The following SLC35F3 variants were observed in gnomAD, a reference collection of about 807,000 sequenced individuals.
SLC35F3 encodes the protein solute carrier family 35 member F3, also known as putative thiamine transporter SLC35F3.
In SLC35F3, 25 loss-of-function variants were observed where a neutral mutation model predicts 49.9. The observed-to-expected ratio is 0.50, with a 90% CI of 0.37 to 0.70. The LOEUF (loss-of-function observed/expected upper bound fraction) is 0.70, where lower values mean the gene tolerates loss of function less well. Ranked by LOEUF, SLC35F3 falls within the 30% of genes least tolerant of loss-of-function variation. The pLI, the probability that SLC35F3 is intolerant of heterozygous loss-of-function variation, is 0.00. For synonymous variants in SLC35F3, 275 were observed against 265.4 expected (o/e 1.04, Z -0.35); for missense variants, 525 against 639.8 (o/e 0.82, Z 1.94).
intron 2 of SLC35F3, among the ~76,000 whole-genome samples, chr1:234,018,845 G>A (rs986569637): frequency 6.6e-6 from 1 of 152,202 alleles, no homozygotes; most frequent in African/African-American, 2.4e-5. Flanking sequence ...CTATACATTT[G>A]TTTAAGCATC....
At chr1:234,267,840 T>G (rs1307459203) in intron 3 of SLC35F3, among the ~76,000 whole-genome samples, 2 of 137,840 alleles carry the variant, frequency 1.5e-5, no homozygotes, top group Non-Finnish European at 1.5e-5. Flanking sequence ...GCAGAGGCGC[T>G]CCTCACATCC....
chr1:234,157,039 G>T (rs546976414), intron 2 of SLC35F3, among the ~76,000 whole-genome samples: 17 of 152,122 alleles, frequency 1.1e-4, no homozygotes, highest in Admixed American at 2.6e-4. Flanking sequence ...AATTTATTAC[G>T]GTGGTGATGG....
In SLC35F3 at chr1:233,925,817, A is replaced by G. The variant is rs187246590; in HGVS notation, c.283+20059A>G. 7.2e-3 allele frequency among the ~76,000 whole-genome samples: 1,101 copies of G among 152,236 alleles called. 13 individuals carry two copies. The highest frequency in any genetic ancestry group is 0.025 in the African/African-American group (1,031 of 41,548). ...AGTGCTTCCTTCAGGAGCTCTTGTA[A>G]GGCAGGCCTGGTGGTGACAAAATCT... On this transcript the variant is annotated intron_variant, in intron 2 of 7. Coordinates refer to ENST00000366618, the MANE Select transcript of SLC35F3 (RefSeq NM_173508.4).
chr1:234,251,479 A>C (rs75515425), intron 3 of SLC35F3, among the ~76,000 whole-genome samples: 186 of 150,426 alleles, frequency 1.2e-3, no homozygotes, highest in Admixed American at 2.1e-3. Context: ...AAAAAAAAAA[A>C]AACACACACA....
chr1:234,276,351 CTG>C (rs2102978219), intron 3 of SLC35F3, among the ~76,000 whole-genome samples: 1 of 152,282 alleles, frequency 6.6e-6, no homozygotes, highest in East Asian at 1.9e-4. Context: ...TCACCAGAAT[CTG>C]TGCATGTTCA....
At chr1:233,989,525 A>G (rs900098493) in intron 2 of SLC35F3, among the ~76,000 whole-genome samples, 2 of 152,190 alleles carry the variant, frequency 1.3e-5, no homozygotes, top group African/African-American at 4.8e-5. Context: ...CTATCCAATA[A>G]AGGGAAAGGT....
At chr1:234,191,627 AAC>A (rs202122069) in intron 2 of SLC35F3, among the ~76,000 whole-genome samples, 10,550 of 149,270 alleles carry the variant, frequency 0.071, 1,162 homozygotes, top group African/African-American at 0.24. Context: ...TTGAAACAAC[AAC>A]AAAAAAAAAT....
At chr1:234,175,970 A>C (rs1314243237) in intron 2 of SLC35F3, among the ~76,000 whole-genome samples, 1 of 152,154 alleles carries the variant, frequency 6.6e-6, no homozygotes, top group Non-Finnish European at 1.5e-5. Flanking sequence ...TTTCTCAAGC[A>C]TATCTCTGAG....
At chr1:233,962,995 T>A (rs193221719) in intron 2 of SLC35F3, among the ~76,000 whole-genome samples, 26 of 152,224 alleles carry the variant, frequency 1.7e-4, no homozygotes, top group Non-Finnish European at 2.9e-4. Context: ...ATAGCTGCAA[T>A]CTCTTTCAAC....
At chr1:234,217,545 G>A (rs1317607623) in intron 2 of SLC35F3, among the ~76,000 whole-genome samples, 1 of 152,216 alleles carries the variant, frequency 6.6e-6, no homozygotes, top group East Asian at 1.9e-4. Flanking sequence ...CTGAGGAGGA[G>A]GCCTTCATGA....
At chr1:234,287,106 G>T (rs181314253) in intron 3 of SLC35F3, among the ~76,000 whole-genome samples, 12 of 152,284 alleles carry the variant, frequency 7.9e-5, no homozygotes, top group African/African-American at 2.9e-4. Context: ...GGCTGCGGTA[G>T]GAAGATCACG....
Position 234,046,834 on chromosome 1 carries a change from T to C in SLC35F3, c.283+141076T>C, listed in dbSNP as rs1355551037. 1.3e-5 allele frequency among the ~76,000 whole-genome samples: 2 copies of C among 152,194 alleles called. No homozygotes were observed. Among genetic ancestry groups the C allele is most frequent in the Admixed American group, 6.5e-5 (1 of 15,274 alleles). On this transcript the variant is annotated intron_variant, in intron 2 of 7. Coordinates refer to ENST00000366618, the MANE Select transcript of SLC35F3 (RefSeq NM_173508.4). This position sits in a 1 kb window ranked among gnomAD's most constrained non-coding sequence, Gnocchi z 4.4. ...TAGTTTTTTTCGGTATTAAGTAATC[T>C]CATTAACTGCAGTGCATCTTGTCAG...
intron 2 of SLC35F3, among the ~76,000 whole-genome samples, chr1:234,104,305 T>C (rs1003919488): frequency 6.6e-6 from 1 of 152,134 alleles, no homozygotes; most frequent in Non-Finnish European, 1.5e-5. Flanking sequence ...TGGGAAAATA[T>C]AATGTTCATA....
At chr1:234,059,845 T>A (rs1664515205) in intron 2 of SLC35F3, among the ~76,000 whole-genome samples, 1 of 152,180 alleles carries the variant, frequency 6.6e-6, no homozygotes, top group South Asian at 2.1e-4. Context: ...GGGAGAAAGA[T>A]GTAGGCTGGG....
chr1:234,070,573 T>C lies in SLC35F3; in HGVS notation c.284-160844T>C, dbSNP rs141381966. Among the ~76,000 whole-genome samples the C allele has an allele frequency of 1.3e-3, 195 of 152,310 alleles. 1 individual carries two copies. The highest frequency in any genetic ancestry group is 4.4e-3 in the African/African-American group (181 of 41,568). ...ATAGCCATATTATGCCTCTGTCCCA[T>C]AGACAAATCTAACAGAATGTTGGGT... On this transcript the variant is annotated intron_variant, in intron 2 of 7. Coordinates refer to ENST00000366618, the MANE Select transcript of SLC35F3 (RefSeq NM_173508.4).
At chr1:234,033,095 T>C (rs1009954188) in intron 2 of SLC35F3, among the ~76,000 whole-genome samples, 1 of 152,206 alleles carries the variant, frequency 6.6e-6, no homozygotes, top group African/African-American at 2.4e-5. Context: ...GATTTGCGTT[T>C]CCCTGATAAT....
At chr1:233,960,827 C>T (rs761295736) in intron 2 of SLC35F3, among the ~76,000 whole-genome samples, 1 of 152,072 alleles carries the variant, frequency 6.6e-6, no homozygotes, top group Non-Finnish European at 1.5e-5. Context: ...TAAGTTCTTT[C>T]GACCTTGACC....
chr1:234,198,032 AT>A (rs1254786892), intron 2 of SLC35F3, among the ~76,000 whole-genome samples: 3 of 152,358 alleles, frequency 2.0e-5, no homozygotes, highest in Admixed American at 6.5e-5. Flanking sequence ...CACCTGTGAT[AT>A]GCTGTAAACA....
chr1:234,226,734 G>A (rs1174269839), intron 2 of SLC35F3, among the ~76,000 whole-genome samples: 1 of 152,032 alleles, frequency 6.6e-6, no homozygotes, highest in East Asian at 1.9e-4. Context: ...TACTACTTCT[G>A]CTTAACCAAA....
Sources: allele counts gnomAD v4.1 joint callset (sites outside exome capture counted in the v4.1 genomes callset), GRCh38; gene constraint gnomAD v4.1.1; non-coding constraint Gnocchi (gnomAD v3.1); transcripts MANE v1.5; gene names NCBI Gene and HGNC (gene_info 2026-07-23, HGNC 2026-07-21).